The following MED31 variants were observed in gnomAD, a reference collection of about 807,000 sequenced individuals.
MED31 encodes the protein mediator of RNA polymerase II transcription subunit 31.
MED31 carries 11 observed loss-of-function variants against 22.0 expected under a neutral mutation model. That is an observed-to-expected ratio of 0.50 (90% CI 0.31 to 0.83). The LOEUF is 0.83. Among genes scored for constraint, MED31 ranks in the 40% least tolerant of loss-of-function variants. The pLI, the probability that MED31 is intolerant of heterozygous loss-of-function variation, is 0.04. For synonymous variants in MED31, 60 were observed against 55.1 expected, an observed-to-expected ratio of 1.09 and a Z score of -0.40; for missense variants, 122 against 155.3, an observed-to-expected ratio of 0.79 and a Z score of 1.14.
chr17:6,646,912 G>T (rs770206128), intron 3 of MED31, among the ~76,000 whole-genome samples: 1 of 152,192 alleles, frequency 6.6e-6, no homozygotes, highest in Non-Finnish European at 1.5e-5. Context: ...GTGTAAAGTC[G>T]ACCATTCCCA....
rs960602140 is a variant in MED31, at chr17:6,650,046, C to T, written c.139G>A (p.Ala47Thr). The change falls in exon 3 of 4, where the codon GCT (alanine) becomes ACT (threonine). Residue 47 changes from alanine (A) to threonine (T), a missense_variant. Physicochemically the swap from Ala to Thr is moderately conservative, Grantham distance 58 (BLOSUM62 0). Transcript: ENST00000225728. ...AAGTATTTAAGATAATTAACAAAAG[C>T]TTTGTCTTTGAAGTAACCTCTTTGG... is the stretch of plus-strand genomic sequence containing the variant. ...LAQRGYFKDK[A>T]FVNYLKYLLY... 6.9e-6 allele frequency: 11 copies of T among 1,603,206 alleles called. No homozygotes were observed. Among genetic ancestry groups the T allele is most frequent in the Non-Finnish European group, 9.3e-6 (11 of 1,177,314 alleles).
intron 3 of MED31, 142 bp downstream of exon 3, chr17:6,649,840 A>T: frequency 1.3e-6 from 1 of 796,430 alleles, no homozygotes; most frequent in Non-Finnish European, 1.8e-6. Flanking sequence ...GTTACAAGTT[A>T]GAGATGAGGG....
chr17:6,645,202 G>T (rs543895079), intron 3 of MED31, among the ~76,000 whole-genome samples: 53 of 152,306 alleles, frequency 3.5e-4, no homozygotes, highest in African/African-American at 1.2e-3. Flanking sequence ...CTGGCTATCA[G>T]AAAAGGAGTT....
chr17:6,646,004 T>C (rs575688269), intron 3 of MED31, among the ~76,000 whole-genome samples: 1 of 152,114 alleles, frequency 6.6e-6, no homozygotes, highest in South Asian at 2.1e-4. Context: ...GTGGGACAAA[T>C]AGACTTCATG....
rs759023557 is a variant in MED31 at position 6,644,353 on chromosome 17, C to T, written c.*114G>A. On this transcript the variant is annotated 3_prime_UTR_variant, in exon 4 of 4. Coordinates refer to ENST00000225728, the MANE Select transcript of MED31 (RefSeq NM_016060.3). The stretch of plus-strand genomic sequence containing the variant: ...TGGATGAAAAAGCACACTAAAGGTT[C>T]TAGGGGCTACCATAATAAAGGTAGA... 1 of 1,275,498 alleles carries T rather than the reference C, an allele frequency of 7.8e-7. No individual in the cohort carries two copies. 79.0% of individuals were successfully genotyped at this position (1,275,498 alleles called of 1,614,324 possible).
intron 1 of MED31, 190 bp downstream of exon 1, chr17:6,651,311 G>A: frequency 1.3e-6 from 1 of 763,112 alleles, no homozygotes; most frequent in African/African-American, 1.8e-5. Flanking sequence ...TAGCAAAGAT[G>A]TGCGAACAAA....
chr17:6,646,490 T>C (rs1253835166), intron 3 of MED31, among the ~76,000 whole-genome samples: 4 of 152,244 alleles, frequency 2.6e-5, no homozygotes, highest in Admixed American at 1.3e-4. Context: ...TGAGATGCTG[T>C]TAATCTGTAA....
chr17:6,644,756 C>A (rs1350405091), intron 3 of MED31, 97 bp from the exon 4 acceptor site: 3 of 1,353,882 alleles, frequency 2.2e-6, no homozygotes, highest in Non-Finnish European at 1.9e-6. Flanking sequence ...TTGTAGCCTA[C>A]CATTTCTATA....
In MED31 at chr17:6,651,541, C is replaced by T. The variant is rs751216254; in HGVS notation, c.-13G>A. On this transcript the variant is annotated 5_prime_UTR_variant, in exon 1 of 4. Coordinates refer to ENST00000225728, the MANE Select transcript of MED31 (RefSeq NM_016060.3). ...CAGCAGCGGCCATAACAAACGAAGA[C>T]ACCAAAACGCCACCAGCCTGACAGA... is the stretch of plus-strand genomic sequence containing the variant. The T allele has an allele frequency of 1.2e-6, 2 of 1,614,116 alleles. No homozygotes were observed. Among genetic ancestry groups the T allele is most frequent in the South Asian group, 2.2e-5 (2 of 91,058 alleles).
In MED31 at chr17:6,644,212, A is replaced by G. The variant is rs1972734813; in HGVS notation, c.*255T>C. On this transcript the variant is annotated 3_prime_UTR_variant, in exon 4 of 4. Coordinates refer to ENST00000225728, the MANE Select transcript of MED31 (RefSeq NM_016060.3). ...TTGGTCTAAAGCACCTAACTTTTCC[A>G]TTCTTAATCAGCTGATTATGCTAAA... 1.0e-5 allele frequency: 5 copies of G among 489,476 alleles called. No homozygotes were observed. The Admixed American group carries it at 1.5e-4, about 15-fold the overall frequency. 30.3% of individuals were successfully genotyped at this position (489,476 alleles called of 1,614,324 possible).
Position 6,644,317 on chromosome 17 carries a change from C to A in MED31, c.*150G>T. 1 of 800,094 alleles carries A rather than the reference C, an allele frequency of 1.2e-6. No homozygotes were observed. The highest frequency in any genetic ancestry group is 1.8e-6 in the Non-Finnish European group (1 of 556,814). 49.6% of individuals were successfully genotyped at this position (800,094 alleles called of 1,614,324 possible). On this transcript the variant is annotated 3_prime_UTR_variant, in exon 4 of 4. Transcript: ENST00000225728. ...AGGTTTAACAGAAATAGTCTATTAACAATAAAAAGTTGGATGAAAAAGCAC... is the reference window on the plus strand; with the variant it reads ...AGGTTTAACAGAAATAGTCTATTAAAAATAAAAAGTTGGATGAAAAAGCAC...
Position 6,651,509 on chromosome 17 carries a change from A to T in MED31, c.20T>A (p.Met7Lys), listed in dbSNP as rs368992746. 354 of 1,614,076 alleles carry T rather than the reference A, an allele frequency of 2.2e-4. No homozygotes were observed. Among genetic ancestry groups the T allele is most frequent in the Non-Finnish European group, 2.9e-4 (345 of 1,180,038 alleles). ...ATCAGAGAGCTACTCACCTGTCTCC[A>T]TAGCGACAGCAGCGGCCATAACAAA... Reference protein sequence around the residue: MAAAVAMETDDAGNRLR... With the variant: MAAAVAKETDDAGNRLR... Residue 7 changes from methionine to lysine, a missense_variant, in exon 1 of 4, where the codon ATG becomes AAG. Coordinates refer to ENST00000225728, the MANE Select transcript of MED31 (RefSeq NM_016060.3).
chr17:6,644,245 AAAAG>A lies in MED31; in HGVS notation c.*218_*221del, dbSNP rs1972735292. The A allele has an allele frequency of 1.8e-6, 1 of 564,874 alleles. No homozygotes were observed. Among genetic ancestry groups the A allele is most frequent in the Non-Finnish European group, 2.8e-6 (1 of 352,092 alleles). 35.0% of individuals were successfully genotyped at this position (564,874 alleles called of 1,614,324 possible). On this transcript the variant is annotated 3_prime_UTR_variant, in exon 4 of 4. Coordinates refer to ENST00000225728, the MANE Select transcript of MED31 (RefSeq NM_016060.3). ...TCAGCTGATTATGCTAAATGCGTAAAAAAGAAAAACACCTTACAAATCCACAGGG... is the reference window on the plus strand; with the variant it reads ...TCAGCTGATTATGCTAAATGCGTAAAAAAAACACCTTACAAATCCACAGGG...
At chr17:6,650,959 A>C (rs748278154) in intron 1 of MED31, among the ~76,000 whole-genome samples, 3 of 151,540 alleles carry the variant, frequency 2.0e-5, no homozygotes, top group Non-Finnish European at 2.9e-5. Context: ...CTCTACTAAA[A>C]ATACAAAAAA....
chr17:6,650,419 G>T lies in MED31; in HGVS notation c.43C>A (p.Arg15=). ...TCCAACTCCAACTGAAACCGAAGTC[G>T]ATTTCCAGCATCATCTAGGAGACAA... ...VAMETDDAGN[R]LRFQLELEFV... Residue 15 remains arginine (R), a synonymous_variant, in exon 2 of 4, where the codon CGA becomes AGA. Transcript: ENST00000225728. 1 of 1,614,038 alleles carries T rather than the reference G, an allele frequency of 6.2e-7. No homozygotes were observed.
Position 6,650,367 on chromosome 17 carries a change from T to C in MED31, c.95A>G (p.Asn32Ser). ...LEFVQCLANP[N>S]YLNFLAQRGY... Reference sequence around the variant, plus strand: ...GCTTAACAACTTACAATTAAGGTAATTTGGGTTGGCTAAACATTGCACAAA... The same window carrying C: ...GCTTAACAACTTACAATTAAGGTAACTTGGGTTGGCTAAACATTGCACAAA... The change falls in exon 2 of 4, where the codon AAT becomes AGT. Residue 32 changes from asparagine (N) to serine (S), a missense_variant. Asn to Ser is a conservative substitution (Grantham distance 46). Transcript: ENST00000225728. 6.2e-7 allele frequency: 1 copy of C among 1,614,004 alleles called. No individual in the cohort carries two copies. Among genetic ancestry groups the C allele is most frequent in the Non-Finnish European group, 8.5e-7 (1 of 1,179,936 alleles).
rs1295098378 is a variant in MED31 at position 6,643,708 on chromosome 17, A to G, written c.*759T>C. Reference sequence around the variant, plus strand: ...CGTCCAAACCTCAGTTTTCTCTTCTATAAACAAGGTTCTTAGAATAAAATG... The same window carrying G: ...CGTCCAAACCTCAGTTTTCTCTTCTGTAAACAAGGTTCTTAGAATAAAATG... On this transcript the variant is annotated 3_prime_UTR_variant, in exon 4 of 4. Coordinates refer to ENST00000225728, the MANE Select transcript of MED31 (RefSeq NM_016060.3). 1 of 158,576 alleles carries G rather than the reference A, an allele frequency of 6.3e-6. No individual in the cohort carries two copies. The highest frequency in any genetic ancestry group is 2.4e-5 in the African/African-American group (1 of 41,696). 9.8% of individuals were successfully genotyped at this position (158,576 alleles called of 1,614,324 possible). A position where few individuals can be genotyped will look rare whatever the true frequency, so the allele number is the denominator to read the frequency against.
chr17:6,646,822 T>A (rs1378980314), intron 3 of MED31, among the ~76,000 whole-genome samples: 3 of 152,314 alleles, frequency 2.0e-5, no homozygotes, highest in East Asian at 3.9e-4. Flanking sequence ...GGAGGAGTAG[T>A]GAAAGAGGGA....
Position 6,651,584 on chromosome 17 carries a change from C to A in MED31, c.-56G>T. 6.2e-7 allele frequency: 1 copy of A among 1,611,046 alleles called. No individual in the cohort carries two copies. Among genetic ancestry groups the A allele is most frequent in the Non-Finnish European group, 8.5e-7 (1 of 1,178,624 alleles). On this transcript the variant is annotated 5_prime_UTR_variant, in exon 1 of 4. Coordinates refer to ENST00000225728, the MANE Select transcript of MED31 (RefSeq NM_016060.3). ...CTGACAGAGCAAAAGCCCAGAGACG[C>A]GGGCGAAGTTCCGGAAACCACGGCT... is the stretch of plus-strand genomic sequence containing the variant.
Sources: gnomAD v4.1 joint callset for allele counts (sites outside exome capture counted in the v4.1 genomes callset) on GRCh38, gnomAD v4.1.1 for gene constraint, MANE v1.5 for transcripts, NCBI Gene and HGNC (gene_info 2026-07-23, HGNC 2026-07-21) for gene names.